FOXP2: variants seen among roughly 807,000 people sequenced by gnomAD.
FOXP2 encodes the protein forkhead box P2, also known as forkhead box protein P2.
Under a neutral mutation model 115.8 loss-of-function variants are expected in FOXP2, and 12 were observed. The observed-to-expected ratio is 0.10, with a 90% CI of 0.07 to 0.17. The LOEUF (loss-of-function observed/expected upper bound fraction) is 0.17, where lower values mean the gene tolerates loss of function less well. FOXP2 is among the 10% of genes least tolerant of loss of function. The probability of loss-of-function intolerance (pLI) is 1.00; values close to 1 mark genes in which losing one functional copy is unlikely to be tolerated. For missense variants in FOXP2, 629 were observed against 843.5 expected (o/e 0.75, Z 3.15); for synonymous variants, 328 against 297.7 (o/e 1.10, Z -1.05).
At chr7:114,537,970 C>T (rs1052644857) in intron 3 of FOXP2, among the ~76,000 whole-genome samples, 2 of 151,614 alleles carry the variant, frequency 1.3e-5, no homozygotes, top group African/African-American at 2.4e-5. Context: ...CTAATAATAA[C>T]AGCCAAAGAC....
intron 6 of FOXP2, among the ~76,000 whole-genome samples, chr7:114,638,426 C>G (rs527524901): frequency 7.2e-5 from 11 of 152,242 alleles, no homozygotes; most frequent in South Asian, 2.1e-4. Flanking sequence ...AAATACTGAA[C>G]TTGTTATATT....
intron 6 of FOXP2, among the ~76,000 whole-genome samples, chr7:114,641,196 A>G (rs890174797): frequency 1.3e-5 from 2 of 152,096 alleles, no homozygotes; most frequent in African/African-American, 4.8e-5. Flanking sequence ...AATCATACCA[A>G]CTCTATTAGT....
chr7:114,211,306 A>C (rs1480679234), intron 1 of FOXP2, among the ~76,000 whole-genome samples: 1 of 152,178 alleles, frequency 6.6e-6, no homozygotes, highest in Admixed American at 6.5e-5. Flanking sequence ...GAGAATCCAC[A>C]CAGCTCTGTG....
chr7:114,111,333 A>G (rs889157336), intron 1 of FOXP2, among the ~76,000 whole-genome samples: 1 of 152,116 alleles, frequency 6.6e-6, no homozygotes, highest in Non-Finnish European at 1.5e-5. Context: ...CTTAAAGATT[A>G]AAGATCACGT....
In FOXP2 at chr7:114,672,821, G is replaced by C. The variant is rs1476833505; in HGVS notation, c.2003+8385G>C. On this transcript the variant is annotated intron_variant, in intron 16 of 16. Coordinates refer to ENST00000350908, the MANE Select transcript of FOXP2 (RefSeq NM_014491.4). ...AGTAGCCTCTGTAAAGGTATTCCAA[G>C]AGACAGCTTCACCAGGAGCCAGCAG... Among the ~76,000 whole-genome samples, 24 of 152,150 alleles carry C rather than the reference G, an allele frequency of 1.6e-4. 1 individual carries two copies. The highest frequency in any genetic ancestry group is 3.5e-4 in the Non-Finnish European group (24 of 68,026).
chr7:114,672,443 G>A (rs995118486), intron 16 of FOXP2, among the ~76,000 whole-genome samples: 4 of 152,070 alleles, frequency 2.6e-5, no homozygotes, highest in African/African-American at 9.7e-5. Flanking sequence ...AAATTAGCTG[G>A]GCACGGTGGT....
intron 7 of FOXP2, among the ~76,000 whole-genome samples, 187 bp downstream of exon 7, chr7:114,642,810 A>ATTTT (rs1277733394): frequency 2.1e-4 from 16 of 75,762 alleles, no homozygotes; most frequent in Non-Finnish European, 3.7e-4. Context: ...ATATATATAT[A>ATTTT]TATTTTTTTT....
intron 2 of FOXP2, among the ~76,000 whole-genome samples, chr7:114,338,928 A>G (rs1290098699): frequency 6.6e-6 from 1 of 151,158 alleles, no homozygotes; most frequent in African/African-American, 2.4e-5. Context: ...TGCTCTGGAG[A>G]TTAAAACTAC....
intron 1 of FOXP2, among the ~76,000 whole-genome samples, chr7:114,282,710 C>T (rs946813044): frequency 2.0e-5 from 3 of 152,100 alleles, no homozygotes; most frequent in African/African-American, 4.8e-5. Flanking sequence ...GGAGTTTAAA[C>T]TGCTTTAATC....
At chr7:114,642,346 A>G (rs2129332837) in intron 6 of FOXP2, 64 bp from the exon 7 acceptor site, 1 of 1,289,472 alleles carries the variant, frequency 7.8e-7, no homozygotes, top group Non-Finnish European at 1.1e-6. Context: ...TAATAACACA[A>G]AGCTCATTAT....
At chr7:114,321,979 A>C (rs1797433635) in intron 2 of FOXP2, among the ~76,000 whole-genome samples, 1 of 150,680 alleles carries the variant, frequency 6.6e-6, no homozygotes, top group African/African-American at 2.4e-5. Flanking sequence ...TGATGATTTT[A>C]TTATTAGCCA....
At chr7:114,542,850 G>A (rs1412168994) in intron 3 of FOXP2, among the ~76,000 whole-genome samples, 4 of 151,114 alleles carry the variant, frequency 2.6e-5, no homozygotes, top group Non-Finnish European at 5.9e-5. Flanking sequence ...TAGTGCAGTG[G>A]CAAGATTTCC....
At chr7:114,653,489 C>T (rs1255974742) in intron 9 of FOXP2, 5 of 259,838 alleles carry the variant, frequency 1.9e-5, no homozygotes, top group African/African-American at 8.9e-5. Context: ...CTAACTGGAC[C>T]TCAGTGGGAA....
chr7:114,377,966 C>T lies in FOXP2; in HGVS notation c.-10-48536C>T, dbSNP rs530445850. On this transcript the variant is annotated intron_variant, in intron 2 of 17. Transcript: ENST00000634411. ...CTTGCTTTGCCTGGCATGCTCGCTCCCCTCTCTCCCTCTCCTTAAGTAGTC... is the reference window on the plus strand; with the variant it reads ...CTTGCTTTGCCTGGCATGCTCGCTCTCCTCTCTCCCTCTCCTTAAGTAGTC... Among the ~76,000 whole-genome samples, 3 of 152,236 alleles carry T rather than the reference C, an allele frequency of 2.0e-5. No individual in the cohort carries two copies. The East Asian group carries it at 5.8e-4, about 29-fold the overall frequency.
At chr7:114,277,186 A>G (rs1796210888) in intron 1 of FOXP2, among the ~76,000 whole-genome samples, 1 of 152,216 alleles carries the variant, frequency 6.6e-6, no homozygotes, top group Admixed American at 6.5e-5. Context: ...TGAATCATTG[A>G]GAAACATTTT....
rs567748972 is a variant in FOXP2 at position 114,325,466 on chromosome 7, T to C, written c.-11+37357T>C. Among the ~76,000 whole-genome samples, 69 of 152,090 alleles carry C rather than the reference T, an allele frequency of 4.5e-4. No individual in the cohort carries two copies. In the South Asian group the frequency reaches 9.5e-3, roughly 21 times the overall value. On this transcript the variant is annotated intron_variant, in intron 2 of 17. Coordinates refer to the FOXP2 transcript ENST00000634411. ...GTAAATTTCAGAACATGGTGGGATA[T>C]ATGAAGTTAAAATACAAATAATCAT...
intron 2 of FOXP2, among the ~76,000 whole-genome samples, chr7:114,391,069 C>T (rs1792586294): frequency 6.6e-6 from 1 of 152,038 alleles, no homozygotes; most frequent in East Asian, 1.9e-4. Flanking sequence ...TGCCTGTATT[C>T]CCAGGTACTT....
At chr7:114,446,042 GT>G (rs1794823377) in intron 2 of FOXP2, among the ~76,000 whole-genome samples, 1 of 151,634 alleles carries the variant, frequency 6.6e-6, no homozygotes, top group Non-Finnish European at 1.5e-5. Context: ...TGATTAACTA[GT>G]TTTTTTGCTT....
At chr7:114,224,808 G>T (rs1177873977) in intron 1 of FOXP2, among the ~76,000 whole-genome samples, 1 of 152,080 alleles carries the variant, frequency 6.6e-6, no homozygotes, top group Non-Finnish European at 1.5e-5. Context: ...TGTGCACATA[G>T]CATGCCTGGC....
Sources: allele counts gnomAD v4.1 joint callset (sites outside exome capture counted in the v4.1 genomes callset), GRCh38; gene constraint gnomAD v4.1.1; transcripts MANE v1.5; gene names NCBI Gene and HGNC (gene_info 2026-07-23, HGNC 2026-07-21).